Variants in KANK1 observed in about 807,000 individuals in gnomAD.
The protein encoded by KANK1 is KN motif and ankyrin repeat domain-containing protein 1.
Under a neutral mutation model 106.2 loss-of-function variants are expected in KANK1, and 109 were observed. That is an observed-to-expected ratio of 1.03 (90% confidence interval 0.88 to 1.20). The LOEUF is 1.20. Among genes scored for constraint, KANK1 ranks in the 50% most tolerant of loss-of-function variants. The pLI is 0.00. For missense variants in KANK1, 2,399 were observed against 1,710.7 expected (o/e 1.40, Z -7.10); for synonymous variants, 873 against 652.2 (o/e 1.34, Z -5.16).
intron 1 of KANK1, among the ~76,000 whole-genome samples, chr9:673,082 A>T (rs965565620): frequency 5.3e-5 from 8 of 152,104 alleles, no homozygotes; most frequent in African/African-American, 1.9e-4. Context: ...AAGAATGAGC[A>T]CTCACAATTT....
In KANK1 at chr9:505,464, G is replaced by T. The variant is rs147282503; in HGVS notation, c.-84+710G>T. 8.5e-5 allele frequency among the ~76,000 whole-genome samples: 13 copies of T among 152,338 alleles called. No homozygotes were observed. The East Asian group carries it at 2.5e-3, about 29-fold the overall frequency. On this transcript the variant is annotated intron_variant, in intron 1 of 11. Coordinates refer to ENST00000382297, the MANE Select transcript of KANK1 (RefSeq NM_015158.5). ...CGAGGGAAGGTGTAGGGGCCCTGAA[G>T]CGGGCTGGTCCCCGAATGTTGCGTT...
intron 2 of KANK1, among the ~76,000 whole-genome samples, chr9:472,101 A>G (rs925497531): frequency 2.6e-5 from 4 of 152,188 alleles, no homozygotes; most frequent in South Asian, 2.1e-4. Context: ...TGCTTCATAA[A>G]TGGCTGATAA....
intron 5 of KANK1, chr9:732,169 G>T: frequency 1.9e-6 from 1 of 520,104 alleles, no homozygotes; most frequent in Admixed American, 3.2e-5. Context: ...GATACCAATT[G>T]GTTATATGAT....
chr9:504,608 GCCC>G (rs1160418438), upstream of KANK1: 1 of 151,014 alleles, frequency 6.6e-6, no homozygotes, highest in African/African-American at 2.4e-5. Context: ...CGGCTTCCCC[GCCC>G]CGGCGGCGGC....
chr9:510,512 A>G (rs1044425057), intron 1 of KANK1, among the ~76,000 whole-genome samples: 2 of 152,156 alleles, frequency 1.3e-5, no homozygotes, highest in Non-Finnish European at 2.9e-5. Flanking sequence ...CCCCAAAAGT[A>G]AGACTTGAGC....
chr9:596,125 C>T lies in KANK1; in HGVS notation c.-83-80765C>T, dbSNP rs912834693. ...TTTGTGCATGAAATAAAGTTTTGAC[C>T]GCATTTTGGCTGTAACCTGTCACAT... On this transcript the variant is annotated intron_variant, in intron 1 of 11. Transcript: ENST00000382297. Among the ~76,000 whole-genome samples the T allele has an allele frequency of 6.6e-5, 10 of 151,660 alleles. 1 individual carries two copies. Among genetic ancestry groups the T allele is most frequent in the African/African-American group, 1.9e-4 (8 of 41,032 alleles).
At chr9:471,945 A>G (rs981056308) in intron 2 of KANK1, among the ~76,000 whole-genome samples, 3 of 152,140 alleles carry the variant, frequency 2.0e-5, no homozygotes, top group East Asian at 1.9e-4. Flanking sequence ...GCACAAGGAC[A>G]GTAAGAATAA....
chr9:644,434 G>A (rs1217509860), intron 1 of KANK1, among the ~76,000 whole-genome samples: 1 of 150,934 alleles, frequency 6.6e-6, no homozygotes, highest in Non-Finnish European at 1.5e-5. Context: ...ATTGGCTCAG[G>A]GTTCCGCAGG....
upstream of KANK1, among the ~76,000 whole-genome samples, chr9:500,817 G>A (rs2058538192): frequency 6.6e-6 from 1 of 152,136 alleles, no homozygotes; most frequent in Non-Finnish European, 1.5e-5. Context: ...TCAGTACCCT[G>A]GACTTGCACA....
intron 1 of KANK1, among the ~76,000 whole-genome samples, chr9:568,147 C>T (rs1818266676): frequency 1.3e-5 from 2 of 152,150 alleles, no homozygotes; most frequent in South Asian, 4.1e-4. Flanking sequence ...TTACATTTAT[C>T]TTGATGTGGT....
intron 1 of KANK1, among the ~76,000 whole-genome samples, chr9:589,983 A>G (rs1013823763): frequency 1.3e-5 from 2 of 151,828 alleles, no homozygotes; most frequent in Non-Finnish European, 2.9e-5. Context: ...CTATCTGAGG[A>G]TGTTTCTTTG....
At chr9:707,085 G>A (rs2130720939) in intron 2 of KANK1, 1 of 985,478 alleles carries the variant, frequency 1.0e-6, no homozygotes, top group Non-Finnish European at 1.2e-6. Context: ...GCCGGTGAAA[G>A]CTCAGCCTAT....
intron 2 of KANK1, among the ~76,000 whole-genome samples, chr9:708,366 A>C (rs1824898369): frequency 6.6e-6 from 1 of 152,248 alleles, no homozygotes; most frequent in Admixed American, 6.5e-5. Flanking sequence ...AAGGACAGCT[A>C]CGTTCTTTTA....
At position 514,174 on chromosome 9, in the gene KANK1, CCCTTCCTCTCTCCCTCCCTT is replaced by C. The variant is rs2059167417; in HGVS notation, c.-84+9424_-84+9443del. Among the ~76,000 whole-genome samples, 3 of 73,654 alleles carry C rather than the reference CCCTTCCTCTCTCCCTCCCTT, an allele frequency of 4.1e-5. No homozygotes were observed. In the African/African-American group the frequency reaches 4.3e-4, roughly 10 times the overall value. 48.3% of individuals were successfully genotyped at this position (73,654 alleles called of 152,430 possible). A position where few individuals can be genotyped will look rare whatever the true frequency, so the allele number is the denominator to read the frequency against. ...TCTCTCCCTCCCTTCCTCTCTCCCT[CCCTTCCTCTCTCCCTCCCTT>C]CCTCCCTCCCTCTCTCCCTCCCTCC... On this transcript the variant is annotated intron_variant, in intron 1 of 11. Transcript: ENST00000382297.
chr9:550,467 A>G (rs1028555406), intron 1 of KANK1, among the ~76,000 whole-genome samples: 2 of 152,182 alleles, frequency 1.3e-5, no homozygotes, highest in Non-Finnish European at 2.9e-5. Context: ...ACACCACGCC[A>G]GGTGGCGTGG....
intron 3 of KANK1, among the ~76,000 whole-genome samples, chr9:721,162 T>C (rs552358191): frequency 5.3e-5 from 8 of 152,268 alleles, no homozygotes; most frequent in Admixed American, 1.3e-4. Flanking sequence ...TTAGAGCCAA[T>C]GGAAGCCCCT....
chr9:613,997 C>T (rs959699932), intron 1 of KANK1, among the ~76,000 whole-genome samples: 1 of 152,122 alleles, frequency 6.6e-6, no homozygotes, highest in Non-Finnish European at 1.5e-5. Flanking sequence ...GGGAAGAAGG[C>T]GCTGTGCATA....
chr9:518,442 A>T (rs2059393744), intron 1 of KANK1, among the ~76,000 whole-genome samples: 1 of 151,310 alleles, frequency 6.6e-6, no homozygotes, highest in African/African-American at 2.4e-5. Flanking sequence ...CTGGCTTTTT[A>T]CCTATACTTT....
chr9:688,919 G>C (rs1819205004), intron 2 of KANK1, among the ~76,000 whole-genome samples: 1 of 152,206 alleles, frequency 6.6e-6, no homozygotes. Context: ...TGGCTGGCCT[G>C]CTTTCCTTCT....
Sources: gnomAD v4.1 joint callset for allele counts (sites outside exome capture counted in the v4.1 genomes callset) on GRCh38, gnomAD v4.1.1 for gene constraint, MANE v1.5 for transcripts, NCBI Gene and HGNC (gene_info 2026-07-23, HGNC 2026-07-21) for gene names.